Variants in GPR19 observed in about 807,000 individuals in gnomAD.
GPR19 encodes G protein-coupled receptor 19.
Under a neutral mutation model 28.5 loss-of-function variants are expected in GPR19, and 14 were observed. The observed-to-expected ratio is 0.49, with a 90% CI of 0.32 to 0.77. The LOEUF (loss-of-function observed/expected upper bound fraction) is 0.77, where lower values mean the gene tolerates loss of function less well. GPR19 is among the 30% of genes least tolerant of loss of function. GPR19 has a pLI of 0.03. For synonymous variants in GPR19, 173 were observed against 184.1 expected, an observed-to-expected ratio of 0.94 and a Z score of 0.49; for missense variants, 409 against 504.1, an observed-to-expected ratio of 0.81 and a Z score of 1.81.
intron 3 of GPR19, among the ~76,000 whole-genome samples, chr12:12,674,291 A>AAAT (rs1592258523): frequency 6.8e-6 from 1 of 147,770 alleles, no homozygotes. Context: ...AAAAAAAAAA[A>AAAT]GTAAAAATTT....
chr12:12,716,991 G>A, the GPR19 span: 11 of 994,724 alleles, frequency 1.1e-5, no homozygotes, highest in African/African-American at 1.7e-4. Flanking sequence ...TCCAGGTCCC[G>A]GCTTCCCGGG....
chr12:12,688,750 C>T (rs936114938), intron 2 of GPR19: 2 of 152,272 alleles, frequency 1.3e-5, no homozygotes, highest in African/African-American at 4.8e-5. Context: ...CAAGGTAACC[C>T]CACAGCAGGG....
intron 3 of GPR19, among the ~76,000 whole-genome samples, chr12:12,674,232 G>C (rs939174274): frequency 8.3e-6 from 1 of 120,204 alleles, no homozygotes; most frequent in Non-Finnish European, 1.7e-5. Flanking sequence ...AAAAAAAAAA[G>C]GCTATTACAG....
At chr12:12,667,365 G>C (rs1435804369) in intron 3 of GPR19, among the ~76,000 whole-genome samples, 2 of 152,110 alleles carry the variant, frequency 1.3e-5, no homozygotes, top group African/African-American at 4.8e-5. Context: ...ATTAATACAT[G>C]AGTGGGGAAA....
chr12:12,674,274 C>CAAA lies in GPR19; in HGVS notation c.-23+10074_-23+10076dup, dbSNP rs11423009. Among the ~76,000 whole-genome samples, 241 of 103,784 alleles carry CAAA rather than the reference C, an allele frequency of 2.3e-3. 3 individuals are homozygous for CAAA. The highest frequency in any genetic ancestry group is 9.1e-3 in the East Asian group (31 of 3,406). The allele number at this position is 103,784 out of a possible 152,430, so 68.1% of individuals were successfully genotyped here. Reference sequence around the variant, plus strand: ...CAACATAGTCAGACCCTATCTCTACCAAAAAAAAAAAAAAAAAGTAAAAAT... The same window carrying CAAA: ...CAACATAGTCAGACCCTATCTCTACCAAAAAAAAAAAAAAAAAAAAGTAAAAAT... On this transcript the variant is annotated intron_variant, in intron 3 of 3. Transcript: ENST00000651487.
chr12:12,709,657 C>G, the GPR19 span, among the ~76,000 whole-genome samples: 2 of 152,110 alleles, frequency 1.3e-5, no homozygotes, highest in Non-Finnish European at 1.5e-5. Context: ...CCAGGCTGGT[C>G]TTGAACTCTA....
intron 2 of GPR19, among the ~76,000 whole-genome samples, chr12:12,687,595 C>T (rs1184237948): frequency 2.0e-5 from 3 of 152,258 alleles, no homozygotes; most frequent in Admixed American, 6.5e-5. Context: ...TCAAATCCTG[C>T]GTTGTCTGAA....
At chr12:12,665,885 A>T (rs1273822192) in intron 3 of GPR19, among the ~76,000 whole-genome samples, 1 of 151,686 alleles carries the variant, frequency 6.6e-6, no homozygotes, top group Non-Finnish European at 1.5e-5. Flanking sequence ...CCATATTATA[A>T]CTCAATTTGA....
chr12:12,711,811 G>A, the GPR19 span, among the ~76,000 whole-genome samples: 11 of 152,044 alleles, frequency 7.2e-5, no homozygotes, highest in Admixed American at 3.9e-4. Context: ...CCTTAAATTC[G>A]TCCTCCCTTT....
At chr12:12,665,751 G>T (rs931388426) in intron 3 of GPR19, among the ~76,000 whole-genome samples, 1 of 142,332 alleles carries the variant, frequency 7.0e-6, no homozygotes, top group Admixed American at 7.5e-5. Flanking sequence ...GCAGGAGAAC[G>T]GCGTGAACCC....
intron 3 of GPR19, among the ~76,000 whole-genome samples, chr12:12,673,890 A>G (rs1345723290): frequency 6.6e-6 from 1 of 152,138 alleles, no homozygotes; most frequent in Non-Finnish European, 1.5e-5. Flanking sequence ...ATGTTTTAAA[A>G]ATACAACTTT....
At chr12:12,667,343 C>A (rs746921210) in intron 3 of GPR19, among the ~76,000 whole-genome samples, 4 of 152,114 alleles carry the variant, frequency 2.6e-5, no homozygotes, top group Non-Finnish European at 5.9e-5. Flanking sequence ...TCTCACCCAT[C>A]CAAGCTTTAA....
chr12:12,692,613 T>C (rs1830956312), intron 2 of GPR19, among the ~76,000 whole-genome samples: 1 of 152,144 alleles, frequency 6.6e-6, no homozygotes, highest in Non-Finnish European at 1.5e-5. Flanking sequence ...CAGAACCCCA[T>C]ACTGGTACAA....
the GPR19 span, among the ~76,000 whole-genome samples, chr12:12,702,976 G>C: frequency 6.6e-6 from 1 of 152,152 alleles, no homozygotes; most frequent in Non-Finnish European, 1.5e-5. Flanking sequence ...TAGGCAATCA[G>C]TATACAGTTT....
intron 2 of GPR19, among the ~76,000 whole-genome samples, chr12:12,694,677 G>A (rs569202860): frequency 6.6e-6 from 1 of 152,208 alleles, no homozygotes; most frequent in South Asian, 2.1e-4. Context: ...TTTATAAATT[G>A]AGAAACTGAG....
At position 12,661,861 on chromosome 12, in the gene GPR19, G is replaced by A. The variant is rs1317140825; in HGVS notation, c.588C>T (p.Thr196=). ...ASWVFDAGFV[T]PVLFFYGSNW... ...TGGAGCCATAGAAAAAGAGCACAGG[G>A]GTCACAAAGCCTGCATCAAAGACCC... Residue 196 remains threonine, a synonymous_variant, in exon 4 of 4, where the codon ACC becomes ACT. Coordinates refer to ENST00000651487, the MANE Select transcript of GPR19 (RefSeq NM_006143.3). The surrounding 1 kb of genome is among the most constrained non-coding windows in gnomAD (Gnocchi z 4.2). The A allele has an allele frequency of 2.5e-6, 4 of 1,613,934 alleles. No individual in the cohort carries two copies. The highest frequency in any genetic ancestry group is 3.4e-6 in the Non-Finnish European group (4 of 1,180,036).
the GPR19 span, among the ~76,000 whole-genome samples, chr12:12,713,604 C>G: frequency 6.6e-6 from 1 of 152,128 alleles, no homozygotes; most frequent in African/African-American, 2.4e-5. Context: ...AAGATCTTGG[C>G]TCACTGCAAC....
chr12:12,698,768 G>T (rs1213768644), upstream of GPR19, among the ~76,000 whole-genome samples: 1 of 151,800 alleles, frequency 6.6e-6, no homozygotes, highest in Non-Finnish European at 1.5e-5. Context: ...GTGCCACCAC[G>T]CCCGGCTAAT....
chr12:12,694,646 C>T (rs1566168131), intron 2 of GPR19, among the ~76,000 whole-genome samples: 2 of 152,194 alleles, frequency 1.3e-5, no homozygotes, highest in African/African-American at 2.4e-5. Flanking sequence ...AATCCTATGG[C>T]ACAGGCACTA....
Sources: allele counts gnomAD v4.1 joint callset (sites outside exome capture counted in the v4.1 genomes callset), GRCh38; gene constraint gnomAD v4.1.1; non-coding constraint Gnocchi (gnomAD v3.1); transcripts MANE v1.5; gene names NCBI Gene and HGNC (gene_info 2026-07-23, HGNC 2026-07-21).